SEMA3D: variants seen among roughly 807,000 people sequenced by gnomAD.
SEMA3D encodes semaphorin-3D.
In SEMA3D, 84 loss-of-function variants were observed where a neutral mutation model predicts 100.1. That is an observed-to-expected ratio of 0.84 (90% CI 0.70 to 1.01). SEMA3D has a LOEUF of 1.01. SEMA3D is among the 50% of genes least tolerant of loss of function. SEMA3D has a pLI of 0.00. For missense variants in SEMA3D, 875 were observed against 934.1 expected (o/e 0.94, Z 0.82); for synonymous variants, 312 against 320.7 (o/e 0.97, Z 0.29).
the SEMA3D span, among the ~76,000 whole-genome samples, chr7:85,214,565 C>A: frequency 4.0e-5 from 6 of 151,078 alleles, no homozygotes; most frequent in South Asian, 6.3e-4. Context: ...GGTGTGATCT[C>A]GGCTTCCTGC....
chr7:85,139,194 G>A (rs746383354), intron 2 of SEMA3D, among the ~76,000 whole-genome samples: 4 of 151,948 alleles, frequency 2.6e-5, no homozygotes, highest in Non-Finnish European at 5.9e-5. Flanking sequence ...ATCTACTTGT[G>A]GAGAAGGACA....
intron 9 of SEMA3D, 70 bp downstream of exon 9, chr7:85,055,645 CAT>C (rs56131427): frequency 0.073 from 11,540 of 158,572 alleles, 388 homozygotes; most frequent in South Asian, 0.096. Flanking sequence ...TTTTCATATA[CAT>C]ATATATATAT....
intron 1 of SEMA3D, among the ~76,000 whole-genome samples, chr7:85,178,330 C>T (rs1791298131): frequency 6.6e-6 from 1 of 152,134 alleles, no homozygotes; most frequent in African/African-American, 2.4e-5. Context: ...GTGAAGGGCT[C>T]AGAAGAAGAC....
chr7:85,166,320 A>G (rs1790903595), intron 1 of SEMA3D, among the ~76,000 whole-genome samples: 1 of 152,052 alleles, frequency 6.6e-6, no homozygotes, highest in Non-Finnish European at 1.5e-5. Context: ...GGCTTATGAT[A>G]AAATGAGAAG....
At chr7:85,036,243 T>G (rs1264711216) in intron 12 of SEMA3D, among the ~76,000 whole-genome samples, 1 of 152,116 alleles carries the variant, frequency 6.6e-6, no homozygotes, top group East Asian at 1.9e-4. Context: ...TTAAAATGCA[T>G]GTAACAGCAT....
the SEMA3D span, among the ~76,000 whole-genome samples, chr7:85,231,693 G>GC: frequency 6.6e-6 from 1 of 151,890 alleles, no homozygotes; most frequent in Admixed American, 6.6e-5. Flanking sequence ...TTTGTGATCC[G>GC]CCCCCCTCAG....
chr7:85,187,239 T>G (rs1275394304), upstream of SEMA3D, among the ~76,000 whole-genome samples: 5 of 152,166 alleles, frequency 3.3e-5, no homozygotes, highest in African/African-American at 9.7e-5. Context: ...CTGACGGATG[T>G]TTATCAGGAC....
chr7:85,202,299 A>G, the SEMA3D span, among the ~76,000 whole-genome samples: 4 of 147,614 alleles, frequency 2.7e-5, no homozygotes, highest in Non-Finnish European at 5.9e-5. Context: ...ATGAGTGAGA[A>G]TATGAGGTGT....
chr7:85,235,532 G>A, the SEMA3D span, among the ~76,000 whole-genome samples: 1 of 152,060 alleles, frequency 6.6e-6, no homozygotes, highest in African/African-American at 2.4e-5. Context: ...TTTAAAGGAG[G>A]ATCTCTGTTC....
At chr7:85,249,905 C>T in the SEMA3D span, among the ~76,000 whole-genome samples, 1 of 152,174 alleles carries the variant, frequency 6.6e-6, no homozygotes, top group South Asian at 2.1e-4. Flanking sequence ...CTACAGCTCC[C>T]AGCGTGAGCG....
chr7:85,046,091 A>T (rs1791001378), intron 9 of SEMA3D, among the ~76,000 whole-genome samples: 1 of 151,996 alleles, frequency 6.6e-6, no homozygotes, highest in Admixed American at 6.6e-5. Flanking sequence ...TGTCTTACCC[A>T]TCACAGAATA....
chr7:85,027,040 C>T (rs185221459), intron 12 of SEMA3D, among the ~76,000 whole-genome samples: 25 of 152,126 alleles, frequency 1.6e-4, no homozygotes, highest in Admixed American at 1.6e-3. Flanking sequence ...TATTATTATC[C>T]TATGATCTAT....
intron 4 of SEMA3D, among the ~76,000 whole-genome samples, chr7:85,096,836 A>G (rs1024389067): frequency 3.3e-5 from 5 of 151,870 alleles, no homozygotes; most frequent in Non-Finnish European, 7.4e-5. Context: ...TTGTAGATTA[A>G]TACTGTATGT....
chr7:85,027,757 G>T lies in SEMA3D; in HGVS notation c.1192-5144C>A, dbSNP rs929930728. The T allele has an allele frequency of 2.6e-5, 10 of 384,416 alleles. No homozygotes were observed. The Admixed American group carries it at 3.5e-4, about 13-fold the overall frequency. The allele number at this position is 384,416 out of a possible 1,614,324, so 23.8% of individuals were successfully genotyped here. A position where few individuals can be genotyped will look rare whatever the true frequency, so the allele number is the denominator to read the frequency against. On this transcript the variant is annotated intron_variant, in intron 12 of 18. Transcript: ENST00000284136. Reference sequence around the variant, plus strand: ...AGGAATATTAAACAAGGGTCTCATTGAACACAGCAGCAGCTTTTGGGGTTC... The same window carrying T: ...AGGAATATTAAACAAGGGTCTCATTTAACACAGCAGCAGCTTTTGGGGTTC...
At chr7:85,165,656 G>A (rs184921684) in intron 1 of SEMA3D, among the ~76,000 whole-genome samples, 15 of 152,158 alleles carry the variant, frequency 9.9e-5, no homozygotes, top group Admixed American at 3.9e-4. Flanking sequence ...CAATATCTGA[G>A]TACATATGCA....
intron 2 of SEMA3D, chr7:85,140,002 CA>C: frequency 2.3e-6 from 1 of 442,634 alleles, no homozygotes. Context: ...AAAAAGTGAT[CA>C]AAACAAGTTA....
chr7:85,113,038 T>A (rs1480299176), intron 3 of SEMA3D, among the ~76,000 whole-genome samples: 1 of 152,146 alleles, frequency 6.6e-6, no homozygotes, highest in Non-Finnish European at 1.5e-5. Flanking sequence ...CAGACACCAG[T>A]GATTCCTGAG....
chr7:85,073,172 C>T, intron 5 of SEMA3D, 91 bp from the exon 6 acceptor site: 1 of 1,158,090 alleles, frequency 8.6e-7, no homozygotes, highest in Non-Finnish European at 1.3e-6. Context: ...GTAGATCAAT[C>T]TTCAAAAATA....
At chr7:85,026,653 T>C (rs1013774616) in intron 12 of SEMA3D, among the ~76,000 whole-genome samples, 1 of 152,064 alleles carries the variant, frequency 6.6e-6, no homozygotes, top group Admixed American at 6.6e-5. Context: ...CTTTGGTCAG[T>C]TACACCTATG....
Sources: gnomAD v4.1 joint callset for allele counts (sites outside exome capture counted in the v4.1 genomes callset) on GRCh38, gnomAD v4.1.1 for gene constraint, MANE v1.5 for transcripts, NCBI Gene and HGNC (gene_info 2026-07-23, HGNC 2026-07-21) for gene names.